The following CHAC2 variants were observed in gnomAD, a reference collection of about 807,000 sequenced individuals.
CHAC2 encodes the protein glutathione-specific gamma-glutamylcyclotransferase 2.
Under a neutral mutation model 16.9 loss-of-function variants are expected in CHAC2, and 20 were observed. That is an observed-to-expected ratio of 1.18 (90% CI 0.83 to 1.72). CHAC2 has a LOEUF of 1.72. CHAC2 is among the 40% of genes most tolerant of loss of function. CHAC2 has a pLI of 0.00. For synonymous variants in CHAC2, 91 were observed against 77.3 expected (o/e 1.18, Z -0.93); for missense variants, 269 against 222.2 (o/e 1.21, Z -1.34).
intron 2 of CHAC2, among the ~76,000 whole-genome samples, chr2:53,772,501 T>G (rs546322307): frequency 6.6e-6 from 1 of 152,176 alleles, no homozygotes; most frequent in African/African-American, 2.4e-5. Flanking sequence ...ACAAGTTTAT[T>G]AACTAAGAAT....
intron 1 of CHAC2, among the ~76,000 whole-genome samples, chr2:53,770,304 T>G (rs1482424175): frequency 6.6e-6 from 1 of 152,114 alleles, no homozygotes; most frequent in Admixed American, 6.5e-5. Flanking sequence ...ACAAATTATC[T>G]ATACGAACAG....
At chr2:53,773,589 C>T (rs1674100226) in intron 2 of CHAC2, among the ~76,000 whole-genome samples, 1 of 151,998 alleles carries the variant, frequency 6.6e-6, no homozygotes, top group Admixed American at 6.5e-5. Flanking sequence ...TGCCACTGTG[C>T]CTGACTAATT....
At chr2:53,769,719 G>A (rs1050040957) in intron 1 of CHAC2, among the ~76,000 whole-genome samples, 9 of 152,204 alleles carry the variant, frequency 5.9e-5, no homozygotes, top group East Asian at 5.8e-4. Flanking sequence ...GGTGGCGCAC[G>A]CCAGTAGAGT....
At chr2:53,769,782 C>A (rs981991154) in intron 1 of CHAC2, among the ~76,000 whole-genome samples, 1 of 152,094 alleles carries the variant, frequency 6.6e-6, no homozygotes, top group African/African-American at 2.4e-5. Flanking sequence ...GCAGACGTTG[C>A]GGTGAGCTGA....
chr2:53,767,900 G>C lies in CHAC2; in HGVS notation c.14G>C (p.Gly5Ala). 7 of 1,612,172 alleles carry C rather than the reference G, an allele frequency of 4.3e-6. No homozygotes were observed. The highest frequency in any genetic ancestry group is 5.9e-6 in the Non-Finnish European group (7 of 1,179,244). Residue 5 changes from glycine to alanine, a missense_variant, in exon 1 of 3, where the codon GGT (glycine) becomes GCT (alanine). Coordinates refer to ENST00000295304, the MANE Select transcript of CHAC2 (RefSeq NM_001008708.4). Reference sequence around the variant, plus strand: ...AGCCGCGAGAAGATGTGGGTTTTTGGTTACGGGTCCCTGATCTGGAAGGTG... The same window carrying C: ...AGCCGCGAGAAGATGTGGGTTTTTGCTTACGGGTCCCTGATCTGGAAGGTG... Reference protein sequence around the residue: MWVFGYGSLIWKVDF... With the variant: MWVFAYGSLIWKVDF...
Position 53,768,032 on chromosome 2 carries a change from G to C in CHAC2, c.135+11G>C, listed in dbSNP as rs1464871139. The C allele has an allele frequency of 1.2e-6, 2 of 1,612,232 alleles. No homozygotes were observed. Among genetic ancestry groups the C allele is most frequent in the Admixed American group, 1.7e-5 (1 of 59,988 alleles). On this transcript the variant is annotated intron_variant, in intron 1 of 2. Coordinates refer to ENST00000295304, the MANE Select transcript of CHAC2 (RefSeq NM_001008708.4). Reference sequence around the variant, plus strand: ...GGGGTCCCCGGCAAGGTGAGGCGCCGGTCAGCTCCCCACACTTACTGCCCC... The same window carrying C: ...GGGGTCCCCGGCAAGGTGAGGCGCCCGTCAGCTCCCCACACTTACTGCCCC...
chr2:53,767,849 A>G lies in CHAC2; in HGVS notation c.-38A>G. 2 of 1,578,212 alleles carry G rather than the reference A, an allele frequency of 1.3e-6. No homozygotes were observed. Among genetic ancestry groups the G allele is most frequent in the Non-Finnish European group, 1.7e-6 (2 of 1,161,030 alleles). On this transcript the variant is annotated 5_prime_UTR_variant, in exon 1 of 3. Transcript: ENST00000295304. Reference sequence around the variant, plus strand: ...AGTCCCCGGCGGCGCGGCGACAGCTAGGGTTCACGGCCACTGGGGCAGAGG... The same window carrying G: ...AGTCCCCGGCGGCGCGGCGACAGCTGGGGTTCACGGCCACTGGGGCAGAGG...
chr2:53,769,976 C>G (rs1028492178), intron 1 of CHAC2, among the ~76,000 whole-genome samples: 1 of 152,196 alleles, frequency 6.6e-6, no homozygotes, highest in African/African-American at 2.4e-5. Flanking sequence ...TCTAGAATGA[C>G]AATATAAGCT....
chr2:53,768,063 C>G (rs1329085555), intron 1 of CHAC2, 42 bp downstream of exon 1: 1 of 1,605,030 alleles, frequency 6.2e-7, no homozygotes, highest in South Asian at 1.1e-5. Flanking sequence ...GCCCCCTGAC[C>G]CCTGCTCCCC....
intron 2 of CHAC2, among the ~76,000 whole-genome samples, chr2:53,773,708 C>T (rs967656339): frequency 1.3e-5 from 2 of 151,516 alleles, no homozygotes; most frequent in Non-Finnish European, 2.9e-5. Context: ...GTATTACAGG[C>T]GTGAGCCACC....
chr2:53,768,667 A>G (rs1229526432), intron 1 of CHAC2, among the ~76,000 whole-genome samples: 1 of 152,234 alleles, frequency 6.6e-6, no homozygotes, highest in Non-Finnish European at 1.5e-5. Flanking sequence ...ACTCATTACT[A>G]TATCCAGCAT....
At chr2:53,769,585 G>A (rs1028311454) in intron 1 of CHAC2, among the ~76,000 whole-genome samples, 3 of 152,180 alleles carry the variant, frequency 2.0e-5, no homozygotes, top group Admixed American at 2.0e-4. Flanking sequence ...GGTGGTTCCC[G>A]CCTATAATCC....
intron 2 of CHAC2, 44 bp from the exon 3 acceptor site, chr2:53,774,098 A>T (rs1189569466): frequency 3.3e-6 from 5 of 1,524,752 alleles, no homozygotes; most frequent in Non-Finnish European, 4.4e-6. Flanking sequence ...CACCTATTTT[A>T]ATTAGCCTTA....
At chr2:53,768,186 A>G (rs1010072073) in intron 1 of CHAC2, 165 bp downstream of exon 1, 7 of 795,018 alleles carry the variant, frequency 8.8e-6, no homozygotes, top group Non-Finnish European at 1.3e-5. Context: ...CCTGCCCGCC[A>G]TCTCTAACCC....
chr2:53,768,486 G>C (rs1197600360), intron 1 of CHAC2, among the ~76,000 whole-genome samples: 1 of 152,198 alleles, frequency 6.6e-6, no homozygotes, highest in African/African-American at 2.4e-5. Flanking sequence ...GCGATTAAAC[G>C]TGCATGTTAC....
At chr2:53,772,067 G>C in intron 2 of CHAC2, 125 bp downstream of exon 2, 1 of 604,676 alleles carries the variant, frequency 1.7e-6, no homozygotes, top group Non-Finnish European at 2.8e-6. Flanking sequence ...ATTCTTCTCT[G>C]TATTTGTGGG....
intron 1 of CHAC2, among the ~76,000 whole-genome samples, chr2:53,771,516 AAAAT>A (rs141804757): frequency 2.8e-4 from 42 of 152,292 alleles, no homozygotes; most frequent in African/African-American, 7.5e-4. Context: ...TCCGTCTCAA[AAAAT>A]AAATAAATAA....
intron 1 of CHAC2, among the ~76,000 whole-genome samples, chr2:53,768,794 TAGC>T (rs1253478191): frequency 3.3e-5 from 5 of 152,344 alleles, no homozygotes; most frequent in African/African-American, 4.8e-5. Flanking sequence ...TATAGAGAAT[TAGC>T]AGCAGCTCAC....
intron 1 of CHAC2, chr2:53,768,395 T>A (rs551897520): frequency 5.4e-6 from 1 of 184,138 alleles, no homozygotes; most frequent in Admixed American, 6.1e-5. Context: ...AGAGTTGAAA[T>A]AGTAAATCAA....
Sources: allele counts gnomAD v4.1 joint callset (sites outside exome capture counted in the v4.1 genomes callset), GRCh38; gene constraint gnomAD v4.1.1; transcripts MANE v1.5; gene names NCBI Gene and HGNC (gene_info 2026-07-23, HGNC 2026-07-21).